MYO9A: variants seen among roughly 807,000 people sequenced by gnomAD.
MYO9A encodes myosin IXA, also known as unconventional myosin-IXa.
Under a neutral mutation model 293.3 loss-of-function variants are expected in MYO9A, and 103 were observed. The ratio of observed to expected loss-of-function variants is 0.35; its 90% confidence interval spans 0.30 to 0.41. The LOEUF is 0.41. Ranked by LOEUF, MYO9A falls within the 10% of genes least tolerant of loss-of-function variation. The probability of loss-of-function intolerance (pLI) is 1.00; values close to 1 mark genes in which losing one functional copy is unlikely to be tolerated. For synonymous variants in MYO9A, 1,001 were observed against 1,035.7 expected (o/e 0.97, Z 0.64); for missense variants, 2,685 against 3,033.0 (o/e 0.89, Z 2.69).
rs3086803 is a variant in MYO9A, at chr15:71,861,701, A to C, written c.6091+799T>G. 2.8e-5 allele frequency among the ~76,000 whole-genome samples: 4 copies of C among 144,594 alleles called. 1 individual carries two copies. The highest frequency in any genetic ancestry group is 7.6e-5 in the African/African-American group (3 of 39,730). 94.9% of individuals were successfully genotyped at this position (144,594 alleles called of 152,430 possible). On this transcript the variant is annotated intron_variant, in intron 33 of 41. Transcript: ENST00000356056. ...ATATAAAAAAAAAAAAAAAAAAAAAACAAATAAGTTTCCTGACCTATAGAG... is the reference window on the plus strand; with the variant it reads ...ATATAAAAAAAAAAAAAAAAAAAAACCAAATAAGTTTCCTGACCTATAGAG...
chr15:72,101,137 G>A (rs1399357217), intron 1 of MYO9A, among the ~76,000 whole-genome samples: 5 of 138,474 alleles, frequency 3.6e-5, no homozygotes, highest in East Asian at 2.3e-4. Flanking sequence ...CCTCCCGCCC[G>A]GCCAGCCGCC....
intron 1 of MYO9A, among the ~76,000 whole-genome samples, chr15:72,064,446 C>T (rs1023432423): frequency 1.3e-5 from 2 of 152,100 alleles, no homozygotes; most frequent in African/African-American, 4.8e-5. Context: ...TATACAACTA[C>T]TATGTATCCA....
At chr15:72,058,046 G>A (rs142087463) in intron 1 of MYO9A, among the ~76,000 whole-genome samples, 2 of 152,244 alleles carry the variant, frequency 1.3e-5, no homozygotes, top group South Asian at 2.1e-4. Flanking sequence ...AACCAAATAC[G>A]TTTGAGTAAA....
intron 1 of MYO9A, among the ~76,000 whole-genome samples, chr15:72,056,235 G>A (rs1053857606): frequency 6.6e-6 from 1 of 152,122 alleles, no homozygotes; most frequent in Admixed American, 6.5e-5. Context: ...TGCCACTACT[G>A]AGTACCTACC....
At chr15:72,069,017 T>C (rs1295560509) in intron 1 of MYO9A, among the ~76,000 whole-genome samples, 3 of 152,216 alleles carry the variant, frequency 2.0e-5, no homozygotes, top group African/African-American at 7.2e-5. Flanking sequence ...ATGGCAGAGC[T>C]AGGATGTGCA....
intron 32 of MYO9A, among the ~76,000 whole-genome samples, chr15:71,865,850 T>C (rs1047461672): frequency 6.6e-6 from 1 of 152,222 alleles, no homozygotes; most frequent in Non-Finnish European, 1.5e-5. Context: ...AAATGCTAGA[T>C]CAGCCTGCAA....
Position 71,904,918 on chromosome 15 carries a change from A to G in MYO9A, c.2766+8T>C. 6.3e-7 allele frequency: 1 copy of G among 1,593,432 alleles called. No homozygotes were observed. Among genetic ancestry groups the G allele is most frequent in the Non-Finnish European group, 8.6e-7 (1 of 1,165,576 alleles). On this transcript the variant is annotated splice_region_variant and intron_variant, in intron 20 of 41. Coordinates refer to ENST00000356056, the MANE Select transcript of MYO9A (RefSeq NM_006901.4). ...AGATATGTGCTCTCATTTATAGGAC[A>G]TTTTTACCTTTTCAGCATTAGAGCG...
In MYO9A at chr15:71,880,473, A is replaced by T. The variant is rs2056840412; in HGVS notation, c.5484T>A (p.Pro1828=). The T allele has an allele frequency of 6.2e-7, 1 of 1,614,090 alleles. No individual in the cohort carries two copies. The highest frequency in any genetic ancestry group is 1.3e-5 in the African/African-American group (1 of 74,948). ...TTCGCTTGCGCTTAGCCTTTGGAGA[A>T]GGTTCTTTGTTCTCTTTGAATTCCT... The part of the protein sequence containing the change: ...CRKEFKENKE[P]SPKAKRKRSV... The change falls in exon 29 of 42, where the codon CCT becomes CCA. Residue 1828 remains proline, a synonymous_variant. Transcript: ENST00000356056.
At chr15:71,975,530 G>A (rs538243512) in intron 12 of MYO9A, among the ~76,000 whole-genome samples, 1 of 151,388 alleles carries the variant, frequency 6.6e-6, no homozygotes, top group African/African-American at 2.4e-5. Context: ...CAGGTCACAG[G>A]AGTGCTTTAG....
chr15:72,003,325 A>G (rs1188030512), intron 8 of MYO9A, among the ~76,000 whole-genome samples: 2 of 150,210 alleles, frequency 1.3e-5, no homozygotes, highest in Non-Finnish European at 2.9e-5. Context: ...AAAGCAAAAG[A>G]AAAAAACTAA....
chr15:72,116,622 C>A (rs1255696903), intron 1 of MYO9A, among the ~76,000 whole-genome samples: 5 of 152,096 alleles, frequency 3.3e-5, no homozygotes, highest in Non-Finnish European at 4.4e-5. Flanking sequence ...ATCCAAAAAA[C>A]AGTGAATCCA....
chr15:72,038,182 C>T (rs1355423407), intron 2 of MYO9A, among the ~76,000 whole-genome samples: 1 of 152,144 alleles, frequency 6.6e-6, no homozygotes, highest in Non-Finnish European at 1.5e-5. Flanking sequence ...CTTGGCCTCC[C>T]AAAGTGCTGG....
chr15:71,891,830 C>T (rs796646146), intron 26 of MYO9A: 12 of 152,164 alleles, frequency 7.9e-5, no homozygotes, highest in Admixed American at 3.9e-4. Flanking sequence ...TAAAAGACAA[C>T]GAGAGTATTC....
chr15:71,878,744 T>TTA (rs1431423412), intron 30 of MYO9A, among the ~76,000 whole-genome samples: 1 of 128,624 alleles, frequency 7.8e-6, no homozygotes, highest in East Asian at 2.9e-4. Context: ...TCTGGAATTT[T>TTA]TTTTTTTTTT....
chr15:71,837,827 A>G (rs2055002236), intron 39 of MYO9A, among the ~76,000 whole-genome samples: 1 of 152,190 alleles, frequency 6.6e-6, no homozygotes, highest in South Asian at 2.1e-4. Flanking sequence ...ATAAGGTTGT[A>G]TACCATTGGT....
intron 18 of MYO9A, among the ~76,000 whole-genome samples, chr15:71,924,667 T>C (rs1241538997): frequency 6.6e-6 from 1 of 151,646 alleles, no homozygotes; most frequent in Non-Finnish European, 1.5e-5. Flanking sequence ...ACGCCTGTAA[T>C]CCCAGCACTT....
At chr15:71,828,085 GA>G in intron 40 of MYO9A, 59 bp from the exon 41 acceptor site, 11 of 1,535,642 alleles carry the variant, frequency 7.2e-6, no homozygotes, top group Admixed American at 4.2e-5. Flanking sequence ...GAAGATAACA[GA>G]AAAAAAGATC....
chr15:71,909,492 C>T (rs2057769500), intron 19 of MYO9A, among the ~76,000 whole-genome samples: 1 of 152,198 alleles, frequency 6.6e-6, no homozygotes, highest in African/African-American at 2.4e-5. Context: ...TTGCAATTCC[C>T]TAATAACATA....
chr15:72,056,086 G>A (rs2078709964), intron 1 of MYO9A, among the ~76,000 whole-genome samples: 1 of 152,084 alleles, frequency 6.6e-6, no homozygotes, highest in Admixed American at 6.6e-5. Flanking sequence ...AAATTAGCTG[G>A]GCATGGTGGC....
Sources: gnomAD v4.1 joint callset for allele counts (sites outside exome capture counted in the v4.1 genomes callset) on GRCh38, gnomAD v4.1.1 for gene constraint, MANE v1.5 for transcripts, NCBI Gene and HGNC (gene_info 2026-07-23, HGNC 2026-07-21) for gene names.